The following NOP2 variants were observed in gnomAD, a reference collection of about 807,000 sequenced individuals.
NOP2 encodes the protein NOP2 nucleolar protein, also known as 28S rRNA (cytosine(4447)-C(5))-methyltransferase.
In NOP2, 7 loss-of-function variants were observed where a neutral mutation model predicts 72.7. That is an observed-to-expected ratio of 0.10 (90% CI 0.05 to 0.18). NOP2 has a LOEUF of 0.18. Among genes scored for constraint, NOP2 ranks in the 10% least tolerant of loss-of-function variants. NOP2 has a pLI of 1.00. For missense variants in NOP2, 954 were observed against 1,014.7 expected, an observed-to-expected ratio of 0.94 and a Z score of 0.81; for synonymous variants, 387 against 388.0, an observed-to-expected ratio of 1.00 and a Z score of 0.03.
At chr12:6,562,205 G>A (rs1021377814) in intron 9 of NOP2, among the ~76,000 whole-genome samples, 3 of 152,108 alleles carry the variant, frequency 2.0e-5, no homozygotes, top group Non-Finnish European at 4.4e-5. Flanking sequence ...GGCCAGGCTG[G>A]TCTCTAACTC....
intron 15 of NOP2, chr12:6,557,889 T>C (rs1406125042): frequency 2.1e-6 from 1 of 475,608 alleles, no homozygotes; most frequent in Non-Finnish European, 3.7e-6. Context: ...ACACCTGTAA[T>C]TCCAGCACTT....
intron 11 of NOP2, 61 bp from the exon 12 acceptor site, chr12:6,561,131 A>T: frequency 6.3e-7 from 1 of 1,588,414 alleles, no homozygotes; most frequent in Non-Finnish European, 8.6e-7. Context: ...ACTTGCTCCC[A>T]CCCTCCTGTC....
At chr12:6,564,849 C>T (rs542905858) in intron 5 of NOP2, among the ~76,000 whole-genome samples, 1 of 150,960 alleles carries the variant, frequency 6.6e-6, no homozygotes, top group East Asian at 2.0e-4. Context: ...GACATAATGA[C>T]CAGTGTAACT....
rs375718783 is a variant in NOP2 at position 6,561,655 on chromosome 12, C to G, written c.1207+9G>C. 3 of 1,612,366 alleles carry G rather than the reference C, an allele frequency of 1.9e-6. No homozygotes were observed. The highest frequency in any genetic ancestry group is 8.5e-7 in the Non-Finnish European group (1 of 1,178,692). On this transcript the variant is annotated intron_variant, in intron 11 of 15. Transcript: ENST00000322166. Reference sequence around the variant, plus strand: ...CCCGATGAATCCCACCTGCCTGCCCCTCTCATACCCATGTAGCTGGTCTTT... The same window carrying G: ...CCCGATGAATCCCACCTGCCTGCCCGTCTCATACCCATGTAGCTGGTCTTT...
At chr12:6,567,943 A>G (rs778640943) in intron 1 of NOP2, 21 bp from the exon 2 acceptor site, 11 of 1,590,096 alleles carry the variant, frequency 6.9e-6, no homozygotes, top group Non-Finnish European at 8.6e-6. Context: ...CAGAAATGGG[A>G]GAAGGTGGCG....
chr12:6,557,829 T>C (rs374190877), intron 15 of NOP2, among the ~76,000 whole-genome samples, 187 bp from the exon 16 acceptor site: 2 of 152,138 alleles, frequency 1.3e-5, no homozygotes, highest in East Asian at 1.9e-4. Flanking sequence ...CAAGTCCTAG[T>C]TGAACCTTGT....
intron 15 of NOP2, among the ~76,000 whole-genome samples, chr12:6,558,392 C>T (rs891087902): frequency 2.6e-5 from 4 of 151,188 alleles, no homozygotes; most frequent in Non-Finnish European, 5.9e-5. Flanking sequence ...CCTGCCTCAG[C>T]CTCCGGACAA....
rs780467518 is a variant in NOP2 at position 6,557,350 on chromosome 12, C to G, written c.2082G>C (p.Val694=). 6.2e-7 allele frequency: 1 copy of G among 1,614,050 alleles called. No individual in the cohort carries two copies. The highest frequency in any genetic ancestry group is 1.7e-5 in the Admixed American group (1 of 60,026). The change falls in exon 16 of 16, where the codon GTG becomes GTC. Residue 694 remains valine (V), a synonymous_variant. Coordinates refer to ENST00000322166, the MANE Select transcript of NOP2 (RefSeq NM_001258308.2). The part of the protein sequence containing the change: ...GKAEGIREPK[V]TGKLKQRSPK... ...GTGATCGTTGCTTTAGCTTCCCAGTCACCTTTGGCTCCCTGATCCCTTCGG... is the reference window on the plus strand; with the variant it reads ...GTGATCGTTGCTTTAGCTTCCCAGTGACCTTTGGCTCCCTGATCCCTTCGG...
In NOP2 at chr12:6,561,745, G is replaced by A. The variant is rs369946907; in HGVS notation, c.1126C>T (p.Pro376Ser). 6.2e-7 allele frequency: 1 copy of A among 1,612,410 alleles called. No homozygotes were observed. Among genetic ancestry groups the A allele is most frequent in the Admixed American group, 1.7e-5 (1 of 59,726 alleles). The change falls in exon 11 of 16, where the codon CCC becomes TCC. Residue 376 changes from proline to serine, a missense_variant. Transcript: ENST00000322166. ...TCCTGGGGTGCCAAGGCCATGACGG[G>A]CAACATGCTGGAGGCTCCCTGCAGC... Reference protein sequence around the residue: ...YMLQGASSMLPVMALAPQEHE... With the variant: ...YMLQGASSMLSVMALAPQEHE...
rs1947509007 is a variant in NOP2 at position 6,557,246 on chromosome 12, G to C, written c.2186C>G (p.Ala729Gly). 6.2e-7 allele frequency: 1 copy of C among 1,614,036 alleles called. No individual in the cohort carries two copies. ...CTGAGTCTTGGATGGGGATAACACA[G>C]CCGGTGTTTGTGTGTCTGTGCCCTT... ...PPKGTDTQTP[A>G]VLSPSKTQAT... Residue 729 changes from alanine to glycine, a missense_variant, in exon 16 of 16, where the codon GCT (alanine) becomes GGT (glycine). Around this residue, in one of 3 missense-constraint regions of NOP2, gnomAD observed 269 missense variants for 260.2 expected, o/e 1.03. Transcript: ENST00000322166.
rs551649657 is a variant in NOP2 at position 6,558,948 on chromosome 12, T to G, written c.1789+1150A>C. 3.3e-5 allele frequency among the ~76,000 whole-genome samples: 5 copies of G among 152,326 alleles called. No homozygotes were observed. The East Asian group carries it at 9.6e-4, about 29-fold the overall frequency. On this transcript the variant is annotated intron_variant, in intron 15 of 15. Coordinates refer to ENST00000322166, the MANE Select transcript of NOP2 (RefSeq NM_001258308.2). Reference sequence around the variant, plus strand: ...TAATTAAAATATGTACTTTTTAAGTTATAGCAAATTTTACTATTCCTTTTT... The same window carrying G: ...TAATTAAAATATGTACTTTTTAAGTGATAGCAAATTTTACTATTCCTTTTT...
rs561651056 is a variant in NOP2 at position 6,563,356 on chromosome 12, A to C, written c.847T>G (p.Phe283Val). ...DLAIYYSYGD[F>V]LLGKLMDLFP... Reference sequence around the variant, plus strand: ...AGGTCCATGAGCTTGCCAAGCAGGAAGTCTCCATAGGAGTAGTAAATGGCC... The same window carrying C: ...AGGTCCATGAGCTTGCCAAGCAGGACGTCTCCATAGGAGTAGTAAATGGCC... Residue 283 changes from phenylalanine (F) to valine (V), a missense_variant, in exon 8 of 16, where the codon TTC becomes GTC. Phe to Val is a conservative substitution (Grantham distance 50). Coordinates refer to ENST00000322166, the MANE Select transcript of NOP2 (RefSeq NM_001258308.2). 6.2e-7 allele frequency: 1 copy of C among 1,602,382 alleles called. No individual in the cohort carries two copies. Among genetic ancestry groups the C allele is most frequent in the African/African-American group, 1.3e-5 (1 of 74,788 alleles).
chr12:6,567,523 A>T (rs1947814849), intron 2 of NOP2: 1 of 313,024 alleles, frequency 3.2e-6, no homozygotes, highest in Non-Finnish European at 5.9e-6. Flanking sequence ...TTCAAAACCC[A>T]GCTTAACAAA....
chr12:6,558,598 G>C (rs1947567107), intron 15 of NOP2, among the ~76,000 whole-genome samples: 1 of 151,026 alleles, frequency 6.6e-6, no homozygotes. Context: ...TGAAGCACTA[G>C]GCTTTATTTA....
At chr12:6,567,789 G>A in intron 2 of NOP2, 27 bp downstream of exon 2, 4 of 1,554,398 alleles carry the variant, frequency 2.6e-6, no homozygotes, top group Non-Finnish European at 3.6e-6. Context: ...AAAGCTGAGG[G>A]ATCAGGAGGC....
Position 6,563,452 on chromosome 12 carries a change from G to A in NOP2, c.751C>T (p.Arg251Cys), listed in dbSNP as rs762764239. 4.1e-5 allele frequency: 66 copies of A among 1,611,288 alleles called. No homozygotes were observed. The South Asian group carries it at 6.0e-4, about 15-fold the overall frequency. Residue 251 changes from arginine (R) to cysteine (C), a missense_variant, in exon 8 of 16, where the codon CGT becomes TGT. Arg to Cys is a radical substitution (Grantham distance 180, BLOSUM62 -3). Coordinates refer to ENST00000322166, the MANE Select transcript of NOP2 (RefSeq NM_001258308.2). Reference protein sequence around the residue: ...KRIQDIVGILRDFGAQREEGR... With the variant: ...KRIQDIVGILCDFGAQREEGR... Reference sequence around the variant, plus strand: ...TCCTCCCGCTGAGCCCCAAAATCACGCAGAATTCCCACAATATCCTGGATC... The same window carrying A: ...TCCTCCCGCTGAGCCCCAAAATCACACAGAATTCCCACAATATCCTGGATC...
rs1592240020 is a variant in NOP2 at position 6,560,830 on chromosome 12, C to T, written c.1348-43G>A. 1 of 1,608,568 alleles carries T rather than the reference C, an allele frequency of 6.2e-7. No individual in the cohort carries two copies. The highest frequency in any genetic ancestry group is 2.2e-5 in the East Asian group (1 of 44,570). Reference sequence around the variant, plus strand: ...ATGAATCATATGTCTCTTCTGCAACCAGCAGGGCAATATTTACTAGGGTCG... The same window carrying T: ...ATGAATCATATGTCTCTTCTGCAACTAGCAGGGCAATATTTACTAGGGTCG... On this transcript the variant is annotated intron_variant, in intron 12 of 15. Transcript: ENST00000322166. This position sits in a 1 kb window ranked among gnomAD's most constrained non-coding sequence, Gnocchi z 5.0.
At chr12:6,566,890 T>A (rs1321420983) in intron 2 of NOP2, 68 bp from the exon 3 acceptor site, 12 of 1,284,116 alleles carry the variant, frequency 9.3e-6, no homozygotes, top group African/African-American at 2.9e-5. Context: ...GGAACGGAAA[T>A]AAACATGGTA....
Position 6,556,940 on chromosome 12 carries a change from G to A in NOP2, c.*53C>T, listed in dbSNP as rs961627612. 6 of 1,599,800 alleles carry A rather than the reference G, an allele frequency of 3.8e-6. No individual in the cohort carries two copies. In the African/African-American group the frequency reaches 6.8e-5, roughly 18 times the overall value. On this transcript the variant is annotated 3_prime_UTR_variant, in exon 16 of 16. Coordinates refer to ENST00000322166, the MANE Select transcript of NOP2 (RefSeq NM_001258308.2). The stretch of plus-strand genomic sequence containing the variant: ...AGAGAAGGCATCCTCACAGAGGCAA[G>A]AGTTCCAACCTGGTGACAATGGCAG...
Sources: gnomAD v4.1 joint callset for allele counts (sites outside exome capture counted in the v4.1 genomes callset) on GRCh38, gnomAD v4.1.1 for gene constraint, gnomAD v4.1.1 regional missense constraint, Gnocchi (gnomAD v3.1) non-coding constraint, MANE v1.5 for transcripts, NCBI Gene and HGNC (gene_info 2026-07-23, HGNC 2026-07-21) for gene names.